Variants in FAT3 observed in about 807,000 individuals in gnomAD.
FAT3 encodes FAT atypical cadherin 3.
A neutral mutation model predicts 310.2 loss-of-function variants in FAT3; 95 were observed. That is an observed-to-expected ratio of 0.31 (90% confidence interval 0.26 to 0.36). FAT3 has a LOEUF of 0.36. Ranked by LOEUF, FAT3 falls within the 10% of genes least tolerant of loss-of-function variation. FAT3 has a pLI of 1.00. For synonymous variants in FAT3, 2,314 were observed against 2,192.9 expected (o/e 1.06, Z -1.54); for missense variants, 5,408 against 5,715.6 (o/e 0.95, Z 1.74).
chr11:92,836,130 G>A lies in FAT3; in HGVS notation c.10087-436G>A, dbSNP rs79178259. 3.5e-3 allele frequency among the ~76,000 whole-genome samples: 527 copies of A among 152,194 alleles called. 3 individuals are homozygous for A. Among genetic ancestry groups the A allele is most frequent in the African/African-American group, 0.012 (479 of 41,530 alleles). ...AACCTGGAGCAATAGACAGAGGGGC[G>A]GTATATTTGCTGTGTGGGAAGGGGA... On this transcript the variant is annotated intron_variant, in intron 15 of 27. Transcript: ENST00000525166.
chr11:92,594,997 A>ATG (rs56275316), intron 3 of FAT3, among the ~76,000 whole-genome samples: 14,740 of 149,266 alleles, frequency 0.099, 1,331 homozygotes, highest in African/African-American at 0.24. Flanking sequence ...TCATGAATAA[A>ATG]TGTGTGTGTG....
chr11:92,473,314 G>A (rs1476536921), intron 2 of FAT3, among the ~76,000 whole-genome samples: 1 of 148,202 alleles, frequency 6.7e-6, no homozygotes, highest in Non-Finnish European at 1.5e-5. Context: ...ACTTGTGTGT[G>A]TGTGTTGGGT....
At chr11:92,286,986 T>G (rs1488823289) in intron 1 of FAT3, among the ~76,000 whole-genome samples, 1 of 152,206 alleles carries the variant, frequency 6.6e-6, no homozygotes, top group Non-Finnish European at 1.5e-5. Context: ...ATTTTGGTCC[T>G]TCACCACCCA....
At chr11:92,501,346 T>G (rs1385392702) in intron 2 of FAT3, among the ~76,000 whole-genome samples, 1 of 152,092 alleles carries the variant, frequency 6.6e-6, no homozygotes, top group Non-Finnish European at 1.5e-5. Context: ...CTGTTTTAAT[T>G]GTGGCTGAGC....
At chr11:92,306,787 T>TTA (rs1339296762) in intron 1 of FAT3, among the ~76,000 whole-genome samples, 36 of 133,616 alleles carry the variant, frequency 2.7e-4, no homozygotes, top group Non-Finnish European at 6.2e-5. Flanking sequence ...TATATATAAA[T>TTA]TATATATATA....
At chr11:92,507,103 C>T (rs1953126133) in intron 2 of FAT3, among the ~76,000 whole-genome samples, 1 of 152,130 alleles carries the variant, frequency 6.6e-6, no homozygotes, top group Non-Finnish European at 1.5e-5. Flanking sequence ...TAGTATTTAT[C>T]GAAGTCTTGT....
intron 19 of FAT3, among the ~76,000 whole-genome samples, chr11:92,848,541 T>C (rs777420074): frequency 2.6e-5 from 4 of 152,230 alleles, no homozygotes; most frequent in Admixed American, 6.5e-5. Context: ...AAAAATCTAA[T>C]ACATAAATAT....
intron 3 of FAT3, among the ~76,000 whole-genome samples, chr11:92,576,679 G>A (rs1380354259): frequency 6.6e-6 from 1 of 152,102 alleles, no homozygotes; most frequent in Non-Finnish European, 1.5e-5. Flanking sequence ...GTGGAGCTTT[G>A]TCACACAGAG....
chr11:92,589,240 G>A (rs1166331231), intron 3 of FAT3, among the ~76,000 whole-genome samples: 1 of 152,048 alleles, frequency 6.6e-6, no homozygotes, highest in African/African-American at 2.4e-5. Context: ...TTGGCCTGAA[G>A]TAGCCATACC....
At chr11:92,313,056 T>C (rs1947351402) in intron 1 of FAT3, among the ~76,000 whole-genome samples, 3 of 152,224 alleles carry the variant, frequency 2.0e-5, no homozygotes. Flanking sequence ...TTTATGACTA[T>C]AATCAATTCT....
At chr11:92,524,237 G>A (rs1953778197) in intron 2 of FAT3, among the ~76,000 whole-genome samples, 1 of 151,974 alleles carries the variant, frequency 6.6e-6, no homozygotes, top group Admixed American at 6.6e-5. Flanking sequence ...TCAATATCAG[G>A]TCAAATGGAG....
intron 13 of FAT3, among the ~76,000 whole-genome samples, chr11:92,816,975 C>A (rs1449080390): frequency 6.6e-6 from 1 of 150,586 alleles, no homozygotes; most frequent in Non-Finnish European, 1.5e-5. Context: ...GACTCCATCT[C>A]AAAAAAAATC....
Position 92,422,569 on chromosome 11 carries a change from G to C in FAT3, c.3292+67165G>C, listed in dbSNP as rs139017456. On this transcript the variant is annotated intron_variant, in intron 2 of 27. Coordinates refer to ENST00000525166, the MANE Select transcript of FAT3 (RefSeq NM_001367949.2). ...CTGTGGCAGGGCACATAGGATGGAG[G>C]AGACAGGAGAGAGTTCTTTCAAAGG... Among the ~76,000 whole-genome samples, 401 of 152,294 alleles carry C rather than the reference G, an allele frequency of 2.6e-3. 14 individuals carry two copies. In the East Asian group the frequency reaches 0.058, roughly 22 times the overall value.
intron 2 of FAT3, among the ~76,000 whole-genome samples, chr11:92,486,380 T>C (rs1952404243): frequency 6.6e-6 from 1 of 151,918 alleles, no homozygotes; most frequent in African/African-American, 2.4e-5. Context: ...CCTTTTTTTT[T>C]ACACGTGTCT....
At chr11:92,438,618 G>A (rs540940992) in intron 2 of FAT3, among the ~76,000 whole-genome samples, 3 of 151,878 alleles carry the variant, frequency 2.0e-5, no homozygotes, top group Admixed American at 6.6e-5. Context: ...TTTCATAATC[G>A]AAACAATTTT....
chr11:92,458,222 G>T (rs894207170), intron 2 of FAT3, among the ~76,000 whole-genome samples: 5 of 152,168 alleles, frequency 3.3e-5, no homozygotes, highest in South Asian at 2.1e-4. Flanking sequence ...CTGTATTTTT[G>T]CCCTGGAGAC....
intron 2 of FAT3, among the ~76,000 whole-genome samples, chr11:92,391,134 A>T (rs1949739670): frequency 1.3e-5 from 2 of 152,226 alleles, no homozygotes; most frequent in East Asian, 1.9e-4. Flanking sequence ...AAGAGGTAGA[A>T]GTCAGCAGAT....
At position 92,425,825 on chromosome 11, in the gene FAT3, A is replaced by G. The variant is rs1474809214; in HGVS notation, c.3292+70421A>G. On this transcript the variant is annotated intron_variant, in intron 2 of 27. Transcript: ENST00000525166. The stretch of plus-strand genomic sequence containing the variant: ...TGATTCCAAGCCTTTGCTATTGTGA[A>G]CAGTGCTCCAGTAAACATATGTGTG... 2.0e-5 allele frequency among the ~76,000 whole-genome samples: 3 copies of G among 152,330 alleles called. No individual in the cohort carries two copies. The East Asian group carries it at 5.8e-4, about 29-fold the overall frequency.
chr11:92,279,441 CAT>C (rs371767999), intron 1 of FAT3, among the ~76,000 whole-genome samples: 64 of 152,248 alleles, frequency 4.2e-4, no homozygotes, highest in East Asian at 2.5e-3. Flanking sequence ...TTATTGAACA[CAT>C]GTTATGTATC....
Sources: gnomAD v4.1 joint callset for allele counts (sites outside exome capture counted in the v4.1 genomes callset) on GRCh38, gnomAD v4.1.1 for gene constraint, MANE v1.5 for transcripts, NCBI Gene and HGNC (gene_info 2026-07-23, HGNC 2026-07-21) for gene names.